RNF24: variants seen among roughly 807,000 people sequenced by gnomAD.
RNF24 encodes the protein ring finger protein 24.
RNF24 carries 14 observed loss-of-function variants against 20.0 expected under a neutral mutation model. The ratio of observed to expected loss-of-function variants is 0.70; its 90% CI spans 0.46 to 1.10. The LOEUF is 1.10. Among genes scored for constraint, RNF24 ranks in the 50% least tolerant of loss-of-function variants. RNF24 has a pLI of 0.00. For missense variants in RNF24, 124 were observed against 177.6 expected, an observed-to-expected ratio of 0.70 and a Z score of 1.71; for synonymous variants, 45 against 61.1, an observed-to-expected ratio of 0.74 and a Z score of 1.23.
At chr20:3,961,470 T>C (rs1433161848) in intron 2 of RNF24, among the ~76,000 whole-genome samples, 1 of 152,062 alleles carries the variant, frequency 6.6e-6, no homozygotes, top group African/African-American at 2.4e-5. Context: ...CTTTACTTAT[T>C]TGCTTGATTA....
At chr20:3,993,536 T>G (rs910061192) in intron 1 of RNF24, among the ~76,000 whole-genome samples, 2 of 152,088 alleles carry the variant, frequency 1.3e-5, no homozygotes, top group Non-Finnish European at 2.9e-5. Flanking sequence ...ATCTGCCCAC[T>G]TCAGCCTCCC....
intron 1 of RNF24, among the ~76,000 whole-genome samples, chr20:3,999,298 C>CAT (rs1981180862): frequency 2.0e-5 from 3 of 152,120 alleles, no homozygotes; most frequent in African/African-American, 7.2e-5. Context: ...TGACATTATT[C>CAT]ATATATACAA....
intron 1 of RNF24, among the ~76,000 whole-genome samples, chr20:3,978,287 T>C (rs1359280070): frequency 3.9e-5 from 6 of 151,998 alleles, no homozygotes; most frequent in Non-Finnish European, 4.4e-5. Flanking sequence ...CCGCCCACCT[T>C]GGCCTCCCAA....
chr20:3,956,447 A>G (rs1044238343), intron 2 of RNF24, among the ~76,000 whole-genome samples: 1 of 151,542 alleles, frequency 6.6e-6, no homozygotes, highest in Non-Finnish European at 1.5e-5. Flanking sequence ...GATATTAGTA[A>G]TTTATATTTT....
In RNF24 at chr20:3,927,861, TACAGTC is replaced by T. The variant is rs997027718; in HGVS notation, c.*6196_*6201del. 1 of 152,200 alleles carries T rather than the reference TACAGTC, an allele frequency of 6.6e-6. No homozygotes were observed. Among genetic ancestry groups the T allele is most frequent in the Non-Finnish European group, 1.5e-5 (1 of 68,052 alleles). The allele number at this position is 152,200 out of a possible 1,614,324, so 9.4% of individuals were successfully genotyped here. ...AGTCTGCTGACACTGGTGGGGCCCT[TACAGTC>T]ACAGAAGTAAGGACTGGATGGTAAG... On this transcript the variant is annotated 3_prime_UTR_variant, in exon 6 of 6. Transcript: ENST00000358395.
At chr20:3,953,852 G>A (rs1159600203) in intron 2 of RNF24, among the ~76,000 whole-genome samples, 1 of 151,466 alleles carries the variant, frequency 6.6e-6, no homozygotes. Flanking sequence ...CACCTCCCGG[G>A]TTCAGGTGAT....
intron 1 of RNF24, among the ~76,000 whole-genome samples, chr20:4,001,761 C>T (rs1981409032): frequency 6.6e-6 from 1 of 151,864 alleles, no homozygotes; most frequent in Non-Finnish European, 1.5e-5. Context: ...GAGAGTAAGA[C>T]CTCATCTCTA....
chr20:3,982,349 G>A (rs766838073), intron 1 of RNF24, among the ~76,000 whole-genome samples: 8 of 151,550 alleles, frequency 5.3e-5, no homozygotes, highest in Non-Finnish European at 1.0e-4. Flanking sequence ...AGGCCGAGGC[G>A]GGCAGATCAT....
At chr20:4,004,016 C>A (rs769576951) in intron 1 of RNF24, among the ~76,000 whole-genome samples, 2 of 152,208 alleles carry the variant, frequency 1.3e-5, no homozygotes, top group Admixed American at 6.5e-5. Context: ...CAGCTCAACA[C>A]TAAAGGCCTC....
chr20:3,938,918 T>A (rs1341601546), intron 4 of RNF24, among the ~76,000 whole-genome samples: 1 of 151,956 alleles, frequency 6.6e-6, no homozygotes, highest in Non-Finnish European at 1.5e-5. Context: ...CCAACTAATT[T>A]TTTTTTTTGT....
chr20:3,978,328 G>A (rs1020385094), intron 1 of RNF24, among the ~76,000 whole-genome samples: 4 of 151,758 alleles, frequency 2.6e-5, no homozygotes, highest in Non-Finnish European at 5.9e-5. Context: ...GAGCCACCAC[G>A]CCCAGCCAAG....
intron 1 of RNF24, among the ~76,000 whole-genome samples, chr20:3,997,907 T>C (rs928935888): frequency 1.3e-5 from 2 of 152,210 alleles, no homozygotes; most frequent in African/African-American, 4.8e-5. Flanking sequence ...ACTAATTAAG[T>C]ATCGCAGTCC....
At chr20:3,989,495 A>G (rs1980228209) in intron 1 of RNF24, among the ~76,000 whole-genome samples, 1 of 151,976 alleles carries the variant, frequency 6.6e-6, no homozygotes, top group Non-Finnish European at 1.5e-5. Flanking sequence ...CATCTCAAAA[A>G]AAAAAAATAA....
At chr20:3,975,003 T>A (rs1479683921) in intron 1 of RNF24, among the ~76,000 whole-genome samples, 1 of 152,158 alleles carries the variant, frequency 6.6e-6, no homozygotes, top group Non-Finnish European at 1.5e-5. Context: ...CTATTCAATG[T>A]AAGGACTCAT....
chr20:4,012,748 A>G (rs1376916687), intron 1 of RNF24, among the ~76,000 whole-genome samples: 1 of 152,242 alleles, frequency 6.6e-6, no homozygotes, highest in Non-Finnish European at 1.5e-5. Context: ...CTGAATAACA[A>G]GGCCAGGCTG....
chr20:3,941,883 G>C (rs955380607), intron 4 of RNF24, among the ~76,000 whole-genome samples: 2 of 152,052 alleles, frequency 1.3e-5, no homozygotes, highest in Non-Finnish European at 2.9e-5. Context: ...AGACCAGCCT[G>C]GCTAACATGG....
chr20:3,974,221 A>G, intron 1 of RNF24: 1 of 1,074,514 alleles, frequency 9.3e-7, no homozygotes, highest in Non-Finnish European at 1.3e-6. Context: ...GAACTTCTTC[A>G]ACATGTTAAA....
At chr20:3,958,758 C>T (rs903048805) in intron 2 of RNF24, among the ~76,000 whole-genome samples, 3 of 152,216 alleles carry the variant, frequency 2.0e-5, no homozygotes, top group African/African-American at 4.8e-5. Flanking sequence ...TCTCCTGTCT[C>T]AGCCTCCTGA....
intron 1 of RNF24, among the ~76,000 whole-genome samples, chr20:4,001,220 T>A (rs960433535): frequency 9.9e-5 from 15 of 152,062 alleles, no homozygotes; most frequent in African/African-American, 3.1e-4. Context: ...CGAGCTGAGA[T>A]CATGCCACTG....
Sources: allele counts gnomAD v4.1 joint callset (sites outside exome capture counted in the v4.1 genomes callset), GRCh38; gene constraint gnomAD v4.1.1; transcripts MANE v1.5; gene names NCBI Gene and HGNC (gene_info 2026-07-23, HGNC 2026-07-21).